IQCH: variants seen among roughly 807,000 people sequenced by gnomAD.
IQCH encodes the protein IQ motif containing H, also known as IQ domain-containing protein H.
A neutral mutation model predicts 117.0 loss-of-function variants in IQCH; 98 were observed. That is an observed-to-expected ratio of 0.84 (90% CI 0.71 to 0.99). The LOEUF (loss-of-function observed/expected upper bound fraction) is 0.99. IQCH is among the 50% of genes least tolerant of loss of function. The probability of loss-of-function intolerance (pLI) is 0.00; values close to 1 mark genes in which losing one functional copy is unlikely to be tolerated. For synonymous variants in IQCH, 412 were observed against 448.2 expected (o/e 0.92, Z 1.02); for missense variants, 1,102 against 1,243.8 (o/e 0.89, Z 1.72).
chr15:67,351,563 A>G (rs149517138), intron 6 of IQCH, among the ~76,000 whole-genome samples: 1 of 152,338 alleles, frequency 6.6e-6, no homozygotes, highest in East Asian at 1.9e-4. Context: ...CGAACATTCA[A>G]CTTTAGAAAG....
chr15:67,259,403 C>A (rs1253569246), intron 1 of IQCH, among the ~76,000 whole-genome samples: 2 of 152,174 alleles, frequency 1.3e-5, no homozygotes, highest in East Asian at 3.9e-4. Context: ...CTTTTTTATC[C>A]TGGACAAAGA....
intron 18 of IQCH, among the ~76,000 whole-genome samples, chr15:67,478,663 T>C (rs553574555): frequency 1.5e-4 from 23 of 152,166 alleles, no homozygotes; most frequent in Admixed American, 4.6e-4. Context: ...CGGTGGCTCA[T>C]GCCTGTAATC....
rs911088967 is a variant in IQCH, at chr15:67,384,144, C to T, written c.1373-792C>T. ...TTTAATGAAGAAAAAAAAAGTTACA[C>T]CTACAGTTGTTGAATTTCATATAAG... On this transcript the variant is annotated intron_variant, in intron 10 of 20. Transcript: ENST00000335894. The surrounding 1 kb of genome is among the most constrained non-coding windows in gnomAD (Gnocchi z 4.3). 3.3e-5 allele frequency among the ~76,000 whole-genome samples: 5 copies of T among 152,082 alleles called. No individual in the cohort carries two copies. Among genetic ancestry groups the T allele is most frequent in the Non-Finnish European group, 7.4e-5 (5 of 68,022 alleles).
chr15:67,341,339 TAGAC>T (rs1272356711), intron 5 of IQCH, among the ~76,000 whole-genome samples: 2 of 152,156 alleles, frequency 1.3e-5, no homozygotes, highest in Non-Finnish European at 2.9e-5. Context: ...GAGCTCAAAA[TAGAC>T]AGATGGACAA....
intron 4 of IQCH, among the ~76,000 whole-genome samples, chr15:67,324,134 G>A (rs1452963655): frequency 6.6e-6 from 1 of 151,074 alleles, no homozygotes; most frequent in African/African-American, 2.4e-5. Context: ...AGTAGAGATG[G>A]GGTTTCACCA....
At chr15:67,324,407 C>G (rs184803499) in intron 4 of IQCH, among the ~76,000 whole-genome samples, 1 of 151,322 alleles carries the variant, frequency 6.6e-6, no homozygotes, top group Non-Finnish European at 1.5e-5. Context: ...GTCCAGAGTT[C>G]GAGACCAACC....
intron 4 of IQCH, among the ~76,000 whole-genome samples, chr15:67,300,396 G>C (rs973333651): frequency 2.6e-5 from 4 of 152,140 alleles, no homozygotes; most frequent in African/African-American, 9.6e-5. Context: ...TTACTACCCA[G>C]TTTTACAAAT....
chr15:67,320,393 T>A (rs991713911), intron 4 of IQCH, among the ~76,000 whole-genome samples: 1 of 152,236 alleles, frequency 6.6e-6, no homozygotes, highest in Non-Finnish European at 1.5e-5. Flanking sequence ...CGACTACCAT[T>A]TAAACTCATT....
intron 18 of IQCH, among the ~76,000 whole-genome samples, chr15:67,480,223 C>A (rs2083307948): frequency 6.6e-6 from 1 of 152,230 alleles, no homozygotes; most frequent in African/African-American, 2.4e-5. Flanking sequence ...TCTGATTCTC[C>A]TCCTTCCAGG....
intron 16 of IQCH, among the ~76,000 whole-genome samples, chr15:67,450,399 C>G (rs1377401077): frequency 6.6e-6 from 1 of 152,138 alleles, no homozygotes; most frequent in Non-Finnish European, 1.5e-5. Context: ...TACGACCCAT[C>G]AATACCTAAT....
At position 67,453,083 on chromosome 15, in the gene IQCH, T is replaced by C. The variant is rs1166999572; in HGVS notation, c.2506-12044T>C. On this transcript the variant is annotated intron_variant, in intron 16 of 20. Transcript: ENST00000335894. The surrounding 1 kb of genome is among the most constrained non-coding windows in gnomAD (Gnocchi z 5.8). Reference sequence around the variant, plus strand: ...CTTGGTTTTCAGCTCCATCAGGTCCTTTAAGGACTTCTCTGCATTGGTTAT... The same window carrying C: ...CTTGGTTTTCAGCTCCATCAGGTCCCTTAAGGACTTCTCTGCATTGGTTAT... Among the ~76,000 whole-genome samples the C allele has an allele frequency of 6.6e-6, 1 of 152,238 alleles. No homozygotes were observed. Among genetic ancestry groups the C allele is most frequent in the Non-Finnish European group, 1.5e-5 (1 of 68,038 alleles).
intron 4 of IQCH, among the ~76,000 whole-genome samples, chr15:67,282,903 C>T (rs150265255): frequency 6.6e-6 from 1 of 151,988 alleles, no homozygotes; most frequent in East Asian, 1.9e-4. Flanking sequence ...TTTATTAAGC[C>T]TCTTTTAATT....
At chr15:67,326,465 C>A (rs1342804053) in intron 4 of IQCH, among the ~76,000 whole-genome samples, 1 of 152,142 alleles carries the variant, frequency 6.6e-6, no homozygotes, top group African/African-American at 2.4e-5. Flanking sequence ...GATTTATAAT[C>A]CTTTGGGTAT....
chr15:67,358,754 C>T (rs769787290), intron 7 of IQCH, among the ~76,000 whole-genome samples: 15 of 152,152 alleles, frequency 9.9e-5, no homozygotes, highest in African/African-American at 1.9e-4. Flanking sequence ...AATTGAAGAG[C>T]GGAACAAGAG....
chr15:67,261,205 A>C, intron 1 of IQCH, 67 bp from the exon 2 acceptor site: 4 of 1,161,856 alleles, frequency 3.4e-6, no homozygotes, highest in Non-Finnish European at 4.7e-6. Context: ...AACCTTTAAG[A>C]TAAATAACTG....
intron 2 of IQCH, among the ~76,000 whole-genome samples, chr15:67,261,786 T>G (rs907388554): frequency 6.6e-6 from 1 of 152,168 alleles, no homozygotes; most frequent in Non-Finnish European, 1.5e-5. Flanking sequence ...TTTACTGAGA[T>G]TCTAAAAGAG....
chr15:67,465,015 TG>T lies in IQCH; in HGVS notation c.2506-110del. The T allele has an allele frequency of 1.1e-6, 1 of 915,266 alleles. No homozygotes were observed. Among genetic ancestry groups the T allele is most frequent in the Non-Finnish European group, 1.7e-6 (1 of 585,010 alleles). The allele number at this position is 915,266 out of a possible 1,614,324, so 56.7% of individuals were successfully genotyped here. A position where few individuals can be genotyped will look rare whatever the true frequency, so the allele number is the denominator to read the frequency against. On this transcript the variant is annotated intron_variant, in intron 16 of 20. Transcript: ENST00000335894. This position sits in a 1 kb window ranked among gnomAD's most constrained non-coding sequence, Gnocchi z 5.9. ...AAAACATCTACTCCATTAAGACACATGGTCACTGGTTTCACTTAGTCTGATG... is the reference window on the plus strand; with the variant it reads ...AAAACATCTACTCCATTAAGACACATGTCACTGGTTTCACTTAGTCTGATG...
intron 3 of IQCH, among the ~76,000 whole-genome samples, chr15:67,264,893 A>ATG (rs1567047891): frequency 7.1e-6 from 1 of 140,586 alleles, no homozygotes; most frequent in East Asian, 2.6e-4. Context: ...CCCCTACCAT[A>ATG]TGTATATATA....
chr15:67,362,894 T>C (rs1970195241), intron 8 of IQCH, among the ~76,000 whole-genome samples: 1 of 152,248 alleles, frequency 6.6e-6, no homozygotes, highest in Non-Finnish European at 1.5e-5. Context: ...GGCTTTAACA[T>C]GTCAAATCTG....
Sources: gnomAD v4.1 joint callset for allele counts (sites outside exome capture counted in the v4.1 genomes callset) on GRCh38, gnomAD v4.1.1 for gene constraint, Gnocchi (gnomAD v3.1) non-coding constraint, MANE v1.5 for transcripts, NCBI Gene and HGNC (gene_info 2026-07-23, HGNC 2026-07-21) for gene names.